The following MBTD1 variants were observed in gnomAD, a reference collection of about 807,000 sequenced individuals.
The protein encoded by MBTD1 is MBT domain-containing protein 1.
Under a neutral mutation model 87.8 loss-of-function variants are expected in MBTD1, and 24 were observed. That is an observed-to-expected ratio of 0.27 (90% confidence interval 0.20 to 0.38). The LOEUF (loss-of-function observed/expected upper bound fraction) is 0.38. MBTD1 is among the 10% of genes least tolerant of loss of function. MBTD1 has a pLI of 1.00. For missense variants in MBTD1, 436 were observed against 760.2 expected (o/e 0.57, Z 5.02); for synonymous variants, 237 against 248.6 (o/e 0.95, Z 0.44).
chr17:51,179,496 A>ATATATATATATTTATT lies in MBTD1; in HGVS notation c.*1079_*1080insAATAAATATATATATA. ...ATTAAAGACAATTTTATATATATAT[A>ATATATATATATTTATT]TATATATATATATATATATATATAT... On this transcript the variant is annotated 3_prime_UTR_variant, in exon 17 of 17. Coordinates refer to ENST00000586178, the MANE Select transcript of MBTD1 (RefSeq NM_017643.3). 1.9e-5 allele frequency: 1 copy of ATATATATATATTTATT among 53,092 alleles called. No individual in the cohort carries two copies. The highest frequency in any genetic ancestry group is 5.9e-4 in the South Asian group (1 of 1,696). 3.3% of individuals were successfully genotyped at this position (53,092 alleles called of 1,614,324 possible). A position where few individuals can be genotyped will look rare whatever the true frequency, so the allele number is the denominator to read the frequency against.
intron 7 of MBTD1, among the ~76,000 whole-genome samples, chr17:51,204,820 A>G (rs2051721070): frequency 1.3e-5 from 2 of 152,178 alleles, no homozygotes; most frequent in Non-Finnish European, 2.9e-5. Context: ...ATTTCAAAGA[A>G]ATTGCTTTAT....
In MBTD1 at chr17:51,180,791, G is replaced by C. The variant is rs559057730; in HGVS notation, c.1769-97C>G. ...GTTCCGTCAGCTTTACAGTTATTAA[G>C]ACTTCTTCATTTCTTCAGTTAATTT... On this transcript the variant is annotated intron_variant, in intron 16 of 16. Coordinates refer to ENST00000586178, the MANE Select transcript of MBTD1 (RefSeq NM_017643.3). The C allele has an allele frequency of 3.2e-4, 221 of 688,906 alleles. 2 individuals carry two copies. In the South Asian group the frequency reaches 3.4e-3, roughly 11 times the overall value. The allele number at this position is 688,906 out of a possible 1,614,324, so 42.7% of individuals were successfully genotyped here.
At chr17:51,239,301 T>G (rs1009914137) in intron 2 of MBTD1, among the ~76,000 whole-genome samples, 1 of 152,230 alleles carries the variant, frequency 6.6e-6, no homozygotes, top group Non-Finnish European at 1.5e-5. Context: ...AAATTTAAAT[T>G]ACTGCCCTTT....
chr17:51,254,910 T>A (rs1402646774), intron 2 of MBTD1, among the ~76,000 whole-genome samples: 1 of 152,176 alleles, frequency 6.6e-6, no homozygotes, highest in African/African-American at 2.4e-5. Context: ...TCTACCCCAA[T>A]AATAGAATTC....
intron 6 of MBTD1, among the ~76,000 whole-genome samples, chr17:51,207,333 A>C (rs1168840915): frequency 6.6e-6 from 1 of 152,220 alleles, no homozygotes; most frequent in Non-Finnish European, 1.5e-5. Context: ...GAAATTTTTA[A>C]TATGTACTGA....
chr17:51,206,001 C>T (rs1598330947), intron 7 of MBTD1, among the ~76,000 whole-genome samples: 1 of 152,170 alleles, frequency 6.6e-6, no homozygotes, highest in African/African-American at 2.4e-5. Flanking sequence ...TGCCCTACTA[C>T]ACTACTCACT....
chr17:51,214,331 T>C (rs1401000670), intron 6 of MBTD1, among the ~76,000 whole-genome samples: 2 of 152,122 alleles, frequency 1.3e-5, no homozygotes, highest in African/African-American at 4.8e-5. Context: ...AAAAAAATTG[T>C]CCAATACTGT....
rs543656062 is a variant in MBTD1 at position 51,217,326 on chromosome 17, G to C, written c.486+8C>G. On this transcript the variant is annotated splice_region_variant and intron_variant, in intron 6 of 16. Coordinates refer to ENST00000586178, the MANE Select transcript of MBTD1 (RefSeq NM_017643.3). ...ACTTCAAAATAAGGTGAGAAATTCT[G>C]TACTTACATGTTTAAAACAGGTAAC... 1 of 1,492,316 alleles carries C rather than the reference G, an allele frequency of 6.7e-7. No individual in the cohort carries two copies. The highest frequency in any genetic ancestry group is 2.1e-5 in the Admixed American group (1 of 46,560). The allele number at this position is 1,492,316 out of a possible 1,614,324, so 92.4% of individuals were successfully genotyped here.
Position 51,233,112 on chromosome 17 carries a change from TCA to T in MBTD1, c.-48-7905_-48-7904del, listed in dbSNP as rs200929592. Reference sequence around the variant, plus strand: ...TGAGGGAGAGAGAGAGAACATGAATTCACAGATAAAACTATAATGTAAATTAG... The same window carrying T: ...TGAGGGAGAGAGAGAGAACATGAATTCAGATAAAACTATAATGTAAATTAG... On this transcript the variant is annotated intron_variant, in intron 2 of 16. Transcript: ENST00000586178. Among the ~76,000 whole-genome samples the T allele has an allele frequency of 7.9e-3, 1,078 of 136,298 alleles. 46 individuals carry two copies. The highest frequency in any genetic ancestry group is 0.072 in the Admixed American group (945 of 13,156). 89.4% of individuals were successfully genotyped at this position (136,298 alleles called of 152,430 possible). A position where few individuals can be genotyped will look rare whatever the true frequency, so the allele number is the denominator to read the frequency against.
intron 6 of MBTD1, among the ~76,000 whole-genome samples, chr17:51,216,085 T>A (rs755184528): frequency 2.0e-5 from 3 of 151,868 alleles, no homozygotes; most frequent in Non-Finnish European, 4.4e-5. Flanking sequence ...GTGCCCACCA[T>A]CACCCCTGGC....
chr17:51,196,979 A>G (rs2051145159), intron 12 of MBTD1, among the ~76,000 whole-genome samples: 1 of 148,172 alleles, frequency 6.7e-6, no homozygotes, highest in Admixed American at 6.8e-5. Context: ...ACTCAATTCA[A>G]GTTACATACC....
rs2089546531 is a variant in MBTD1 at position 51,225,191 on chromosome 17, A to G, written c.-30T>C. The G allele has an allele frequency of 6.6e-7, 1 of 1,518,932 alleles. No individual in the cohort carries two copies. Among genetic ancestry groups the G allele is most frequent in the Admixed American group, 2.1e-5 (1 of 46,776 alleles). The allele number at this position is 1,518,932 out of a possible 1,614,324, so 94.1% of individuals were successfully genotyped here. Reference sequence around the variant, plus strand: ...AAAGAATCTCTTCTTTTCCTTTCAGATCGTGAAGAATGTTCAGTCTTTGAA... The same window carrying G: ...AAAGAATCTCTTCTTTTCCTTTCAGGTCGTGAAGAATGTTCAGTCTTTGAA... On this transcript the variant is annotated 5_prime_UTR_variant, in exon 3 of 17. Coordinates refer to ENST00000586178, the MANE Select transcript of MBTD1 (RefSeq NM_017643.3).
intron 8 of MBTD1, 137 bp from the exon 9 acceptor site, chr17:51,203,365 G>GT (rs1452286010): frequency 1.8e-6 from 1 of 549,680 alleles, no homozygotes; most frequent in African/African-American, 2.0e-5. Context: ...GAGAAAGCAA[G>GT]TATATGCCTT....
At position 51,202,950 on chromosome 17, in the gene MBTD1, A is replaced by G; in HGVS notation, c.829-15T>C. 6.3e-7 allele frequency: 1 copy of G among 1,588,378 alleles called. No homozygotes were observed. Among genetic ancestry groups the G allele is most frequent in the Non-Finnish European group, 8.6e-7 (1 of 1,157,680 alleles). On this transcript the variant is annotated splice_polypyrimidine_tract_variant and intron_variant, in intron 9 of 16. Coordinates refer to ENST00000586178, the MANE Select transcript of MBTD1 (RefSeq NM_017643.3). ...CTCTCTGAAACCTTAAAAGCATACA[A>G]AAAAAACTGCTCGAAATTCATGACA...
At chr17:51,231,991 C>T (rs1232987847) in intron 2 of MBTD1, among the ~76,000 whole-genome samples, 1 of 151,992 alleles carries the variant, frequency 6.6e-6, no homozygotes, top group Admixed American at 6.6e-5. Flanking sequence ...GAAACTCCTA[C>T]ATTAGACCAA....
intron 3 of MBTD1, among the ~76,000 whole-genome samples, chr17:51,223,056 G>A (rs914009787): frequency 9.3e-5 from 14 of 151,344 alleles, no homozygotes; most frequent in South Asian, 4.2e-4. Context: ...TGCCTGCCTC[G>A]GCCTCCCAAA....
rs1254974106 is a variant in MBTD1, at chr17:51,179,934, C to T, written c.*642G>A. 1 of 152,090 alleles carries T rather than the reference C, an allele frequency of 6.6e-6. No individual in the cohort carries two copies. The highest frequency in any genetic ancestry group is 1.5e-5 in the Non-Finnish European group (1 of 68,004). 9.4% of individuals were successfully genotyped at this position (152,090 alleles called of 1,614,324 possible). A position where few individuals can be genotyped will look rare whatever the true frequency, so the allele number is the denominator to read the frequency against. ...ATTAAAAGAGAACATATAAAAGTATCCAGAGTTCTTCCAGTTTCATACAGA... is the reference window on the plus strand; with the variant it reads ...ATTAAAAGAGAACATATAAAAGTATTCAGAGTTCTTCCAGTTTCATACAGA... On this transcript the variant is annotated 3_prime_UTR_variant, in exon 17 of 17. Coordinates refer to ENST00000586178, the MANE Select transcript of MBTD1 (RefSeq NM_017643.3).
chr17:51,260,544 A>G, upstream of MBTD1: 1 of 1,578,704 alleles, frequency 6.3e-7, no homozygotes, highest in Non-Finnish European at 8.6e-7. Context: ...ATGCGCAGCG[A>G]GGTTCCACGT....
chr17:51,234,400 C>CAA (rs71149356), intron 2 of MBTD1, among the ~76,000 whole-genome samples: 5,599 of 68,420 alleles, frequency 0.082, 260 homozygotes, highest in African/African-American at 0.18. Context: ...TCCCCGTCTC[C>CAA]AAAAAAAAAA....
Sources: allele counts gnomAD v4.1 joint callset (sites outside exome capture counted in the v4.1 genomes callset), GRCh38; gene constraint gnomAD v4.1.1; transcripts MANE v1.5; gene names NCBI Gene and HGNC (gene_info 2026-07-23, HGNC 2026-07-21).